The following OGFOD3 variants were observed in gnomAD, a reference collection of about 807,000 sequenced individuals.
OGFOD3 encodes the protein 2-oxoglutarate and iron-dependent oxygenase domain-containing protein 3.
Under a neutral mutation model 39.8 loss-of-function variants are expected in OGFOD3, and 35 were observed. The ratio of observed to expected loss-of-function variants is 0.88; its 90% CI spans 0.67 to 1.17. The LOEUF (loss-of-function observed/expected upper bound fraction) is 1.17. OGFOD3 is among the 50% of genes most tolerant of loss of function. OGFOD3 has a pLI of 0.00. For synonymous variants in OGFOD3, 200 were observed against 192.0 expected (o/e 1.04, Z -0.34); for missense variants, 438 against 454.5 (o/e 0.96, Z 0.33).
rs79956747 is a variant in OGFOD3 at position 82,401,803 on chromosome 17, C to CAAAAAAAAAAAAAAAAAAAAAAAAAAAA, written c.699+2133_699+2134insTTTTTTTTTTTTTTTTTTTTTTTTTTTT. 1.4e-3 allele frequency among the ~76,000 whole-genome samples: 84 copies of CAAAAAAAAAAAAAAAAAAAAAAAAAAAA among 61,664 alleles called. 1 individual carries two copies. The highest frequency in any genetic ancestry group is 7.9e-3 in the Middle Eastern group (1 of 126). The allele number at this position is 61,664 out of a possible 152,430, so 40.5% of individuals were successfully genotyped here. A position where few individuals can be genotyped will look rare whatever the true frequency, so the allele number is the denominator to read the frequency against. On this transcript the variant is annotated intron_variant, in intron 7 of 8. Transcript: ENST00000313056. ...TGGGTGGCAGAGCAAGACTCCATCT[C>CAAAAAAAAAAAAAAAAAAAAAAAAAAAA]AAAAAAAAAAAAAAAAAAAACAAAG...
intron 2 of OGFOD3, among the ~76,000 whole-genome samples, chr17:82,413,509 C>T (rs1386790150): frequency 6.6e-6 from 1 of 152,076 alleles, no homozygotes; most frequent in Non-Finnish European, 1.5e-5. Flanking sequence ...GAAAAGGGAC[C>T]AAAAATCCCA....
chr17:82,405,063 TG>T (rs913059300), intron 6 of OGFOD3, among the ~76,000 whole-genome samples: 35 of 152,278 alleles, frequency 2.3e-4, no homozygotes, highest in African/African-American at 8.4e-4. Context: ...TTTTTAAAAC[TG>T]GGCTGATTTT....
chr17:82,397,107 A>C (rs2052684762), intron 8 of OGFOD3, among the ~76,000 whole-genome samples: 1 of 152,134 alleles, frequency 6.6e-6, no homozygotes, highest in South Asian at 2.1e-4. Flanking sequence ...AGTCCCTCAA[A>C]CTGAGCTTGC....
chr17:82,401,885 T>C (rs2052772793), intron 7 of OGFOD3, among the ~76,000 whole-genome samples: 1 of 150,424 alleles, frequency 6.6e-6, no homozygotes, highest in Non-Finnish European at 1.5e-5. Context: ...AAGCTGGTCA[T>C]CTAACTGCCA....
At chr17:82,394,433 G>T in intron 8 of OGFOD3, 1 of 1,613,524 alleles carries the variant, frequency 6.2e-7, no homozygotes, top group Non-Finnish European at 8.5e-7. Context: ...TCGGGCGGGT[G>T]GTGAGTCCCC....
chr17:82,418,241 T>G, intron 1 of OGFOD3, 171 bp downstream of exon 1: 1 of 422,294 alleles, frequency 2.4e-6, no homozygotes, highest in Non-Finnish European at 4.0e-6. Context: ...CCTGCCCTGC[T>G]CCCAGCATGG....
chr17:82,402,596 A>C (rs1156263057), intron 7 of OGFOD3, among the ~76,000 whole-genome samples: 1 of 151,480 alleles, frequency 6.6e-6, no homozygotes, highest in Non-Finnish European at 1.5e-5. Context: ...AAAATACAAA[A>C]ATTAGCCGAG....
rs1157735399 is a variant in OGFOD3 at position 82,415,848 on chromosome 17, GC to G, written c.75-222del. On this transcript the variant is annotated intron_variant, in intron 1 of 8. Transcript: ENST00000313056. The surrounding 1 kb of genome is among the most constrained non-coding windows in gnomAD (Gnocchi z 5.3). ...CCAATACACACTAACTGCCTTCTGAGCCCGGGAGTTTGAGAAATATTGCAAT... is the reference window on the plus strand; with the variant it reads ...CCAATACACACTAACTGCCTTCTGAGCCGGGAGTTTGAGAAATATTGCAAT... Among the ~76,000 whole-genome samples the G allele has an allele frequency of 6.6e-6, 1 of 151,182 alleles. No individual in the cohort carries two copies. The highest frequency in any genetic ancestry group is 2.4e-5 in the African/African-American group (1 of 40,948).
chr17:82,398,886 CTATTTT>C (rs1198287832), intron 7 of OGFOD3, among the ~76,000 whole-genome samples: 1 of 142,888 alleles, frequency 7.0e-6, no homozygotes, highest in African/African-American at 2.6e-5. Flanking sequence ...TTTTTCTTTT[CTATTTT>C]TTTTTTTGTA....
intron 4 of OGFOD3, 97 bp downstream of exon 4, chr17:82,409,271 G>A (rs553294740): frequency 5.4e-6 from 7 of 1,286,984 alleles, no homozygotes; most frequent in Admixed American, 3.5e-5. Flanking sequence ...TTGGGGGCAC[G>A]CAGGGAACCC....
intron 8 of OGFOD3, among the ~76,000 whole-genome samples, chr17:82,396,245 T>C (rs55690408): frequency 0.22 from 29,072 of 134,000 alleles, 5,559 homozygotes; most frequent in Non-Finnish European, 0.31. Flanking sequence ...TACACACAAT[T>C]AGACAGATGT....
chr17:82,399,716 T>A (rs895692821), intron 7 of OGFOD3, among the ~76,000 whole-genome samples: 1 of 152,180 alleles, frequency 6.6e-6, no homozygotes, highest in Non-Finnish European at 1.5e-5. Flanking sequence ...TCAGGCAGGA[T>A]CTGTCCCTCC....
At position 82,415,506 on chromosome 17, in the gene OGFOD3, C is replaced by A. The variant is rs1035763367; in HGVS notation, c.196G>T (p.Ala66Ser). 1 of 1,613,648 alleles carries A rather than the reference C, an allele frequency of 6.2e-7. No individual in the cohort carries two copies. The change falls in exon 2 of 9, where the codon GCC becomes TCC. Residue 66 changes from alanine (A) to serine (S), a missense_variant. Coordinates refer to ENST00000313056, the MANE Select transcript of OGFOD3 (RefSeq NM_024648.3). The surrounding 1 kb of genome is among the most constrained non-coding windows in gnomAD (Gnocchi z 5.3). Reference protein sequence around the residue: ...TALLLWSSLGADDGVAEVLAR... With the variant: ...TALLLWSSLGSDDGVAEVLAR... ...AGGACCTCTGCGACCCCGTCGTCGG[C>A]CCCCAAGCTGCTCCAGAGCAGGAGT...
intron 1 of OGFOD3, among the ~76,000 whole-genome samples, chr17:82,418,073 G>A (rs1448794004): frequency 6.6e-6 from 1 of 152,226 alleles, no homozygotes; most frequent in African/African-American, 2.4e-5. Context: ...TTTCCAGGCT[G>A]CTGGGTGGGT....
chr17:82,395,283 C>T (rs1375026814), intron 8 of OGFOD3, among the ~76,000 whole-genome samples: 1 of 152,142 alleles, frequency 6.6e-6, no homozygotes, highest in Non-Finnish European at 1.5e-5. Context: ...CTGCCTGCCT[C>T]GGCCTTGCAA....
intron 7 of OGFOD3, among the ~76,000 whole-genome samples, chr17:82,399,753 C>T (rs1004773823): frequency 6.6e-6 from 1 of 152,186 alleles, no homozygotes; most frequent in South Asian, 2.1e-4. Flanking sequence ...ACTCAGGGGT[C>T]GCAGCACTCA....
rs553428943 is a variant in OGFOD3, at chr17:82,415,335, G to A, written c.304+63C>T. 148 of 1,501,364 alleles carry A rather than the reference G, an allele frequency of 9.9e-5. 1 individual carries two copies. In the Middle Eastern group the frequency reaches 2.1e-3, roughly 21 times the overall value. The allele number at this position is 1,501,364 out of a possible 1,614,324, so 93.0% of individuals were successfully genotyped here. A position where few individuals can be genotyped will look rare whatever the true frequency, so the allele number is the denominator to read the frequency against. ...CATCCAACCCAATTCCCACCCCTTC[G>A]TCGCAGCCAATGTCCTTTAACCACA... is the stretch of plus-strand genomic sequence containing the variant. On this transcript the variant is annotated intron_variant, in intron 2 of 8. Transcript: ENST00000313056. This position sits in a 1 kb window ranked among gnomAD's most constrained non-coding sequence, Gnocchi z 5.3.
intron 8 of OGFOD3, chr17:82,396,586 A>G (rs9915129): frequency 0.77 from 116,932 of 152,174 alleles, 45,239 homozygotes; most frequent in East Asian, 0.93. Flanking sequence ...AGAAGATCGT[A>G]ATACAAAATG....
At chr17:82,405,022 G>A (rs924454462) in intron 6 of OGFOD3, among the ~76,000 whole-genome samples, 7 of 151,992 alleles carry the variant, frequency 4.6e-5, no homozygotes, top group Non-Finnish European at 1.0e-4. Flanking sequence ...TTACAGGCAT[G>A]AGACACCGCA....
Sources: allele counts gnomAD v4.1 joint callset (sites outside exome capture counted in the v4.1 genomes callset), GRCh38; gene constraint gnomAD v4.1.1; non-coding constraint Gnocchi (gnomAD v3.1); transcripts MANE v1.5; gene names NCBI Gene and HGNC (gene_info 2026-07-23, HGNC 2026-07-21).